Variants in ZNF385B observed in about 807,000 individuals in gnomAD.
ZNF385B encodes zinc finger protein 533.
Under a neutral mutation model 39.2 loss-of-function variants are expected in ZNF385B, and 23 were observed. The ratio of observed to expected loss-of-function variants is 0.59; its 90% CI spans 0.42 to 0.83. The LOEUF (loss-of-function observed/expected upper bound fraction) is 0.83, where lower values mean the gene tolerates loss of function less well. Among genes scored for constraint, ZNF385B ranks in the 40% least tolerant of loss-of-function variants. The pLI, the probability that ZNF385B is intolerant of heterozygous loss-of-function variation, is 0.00. For missense variants in ZNF385B, 552 were observed against 598.9 expected (o/e 0.92, Z 0.82); for synonymous variants, 205 against 222.6 (o/e 0.92, Z 0.70).
intron 3 of ZNF385B, among the ~76,000 whole-genome samples, chr2:179,656,315 A>G (rs1490141148): frequency 6.6e-6 from 1 of 152,126 alleles, no homozygotes; most frequent in African/African-American, 2.4e-5. Context: ...TCCATCAGGT[A>G]GGCATTTTGA....
At chr2:179,632,103 G>A (rs1236998994) in intron 3 of ZNF385B, among the ~76,000 whole-genome samples, 2 of 152,064 alleles carry the variant, frequency 1.3e-5, no homozygotes, top group African/African-American at 4.8e-5. Flanking sequence ...ATAATAATGA[G>A]AGACTTTAAC....
At chr2:179,775,090 G>T (rs7592797) in intron 1 of ZNF385B, among the ~76,000 whole-genome samples, 16,730 of 152,156 alleles carry the variant, frequency 0.11, 1,561 homozygotes, top group East Asian at 0.48. Context: ...GCAAAAAGTT[G>T]AGTTCTGAGT....
chr2:179,444,768 A>G, intron 9 of ZNF385B, 108 bp downstream of exon 9: 1 of 945,276 alleles, frequency 1.1e-6, no homozygotes, highest in Middle Eastern at 2.6e-4. Flanking sequence ...GGCTATTTAA[A>G]TTTGAAACCT....
In ZNF385B at chr2:179,651,699, T is replaced by C. The variant is rs528772192; in HGVS notation, c.299-106730A>G. Among the ~76,000 whole-genome samples, 96 of 152,160 alleles carry C rather than the reference T, an allele frequency of 6.3e-4. 1 individual carries two copies. The South Asian group carries it at 0.02, about 31-fold the overall frequency. ...ACTGATTTTTATGAGAACCTCCAAA[T>C]ATGGATCTGTAAGTGGATGAGGAGA... On this transcript the variant is annotated intron_variant, in intron 3 of 9. Coordinates refer to ENST00000410066, the MANE Select transcript of ZNF385B (RefSeq NM_152520.6).
intron 3 of ZNF385B, among the ~76,000 whole-genome samples, chr2:179,555,117 T>G (rs1420307934): frequency 6.7e-6 from 1 of 149,822 alleles, no homozygotes; most frequent in Non-Finnish European, 1.5e-5. Flanking sequence ...TTTGTATGTT[T>G]GCATGATGAA....
At chr2:179,505,077 C>T (rs1041755081) in intron 5 of ZNF385B, among the ~76,000 whole-genome samples, 6 of 152,150 alleles carry the variant, frequency 3.9e-5, no homozygotes, top group African/African-American at 1.2e-4. Context: ...TCAGCAGTTT[C>T]CAGAATCTGG....
chr2:179,858,133 G>GA lies in ZNF385B; in HGVS notation c.-155+2967dup, dbSNP rs530727432. Among the ~76,000 whole-genome samples, 22 of 152,140 alleles carry GA rather than the reference G, an allele frequency of 1.4e-4. No homozygotes were observed. In the South Asian group the frequency reaches 4.6e-3, roughly 32 times the overall value. ...GCCTCTAGAAACAGATAAGAAGACT[G>GA]AAAAAAATAGCCACCATGGGAATAG... On this transcript the variant is annotated intron_variant, in intron 1 of 9. Transcript: ENST00000410066.
chr2:179,803,241 T>C (rs1706141167), intron 1 of ZNF385B, among the ~76,000 whole-genome samples: 1 of 152,110 alleles, frequency 6.6e-6, no homozygotes, highest in Non-Finnish European at 1.5e-5. Flanking sequence ...TTAATCTTTG[T>C]GACACAGGGC....
intron 4 of ZNF385B, among the ~76,000 whole-genome samples, chr2:179,525,959 C>A (rs1042868645): frequency 2.0e-5 from 3 of 149,458 alleles, no homozygotes; most frequent in Non-Finnish European, 3.0e-5. Context: ...ACAGCAACAA[C>A]AAAGATAATT....
At chr2:179,569,608 C>T (rs533303205) in intron 3 of ZNF385B, among the ~76,000 whole-genome samples, 1 of 152,274 alleles carries the variant, frequency 6.6e-6, no homozygotes, top group East Asian at 1.9e-4. Context: ...TGAGCATATT[C>T]CCAAATCACC....
At chr2:179,449,740 G>A (rs1481000132) in intron 6 of ZNF385B, among the ~76,000 whole-genome samples, 3 of 152,048 alleles carry the variant, frequency 2.0e-5, no homozygotes, top group Non-Finnish European at 4.4e-5. Flanking sequence ...TCACAGAATT[G>A]GAAAATACTA....
In ZNF385B at chr2:179,493,572, CAT is replaced by C. The variant is rs561339718; in HGVS notation, c.553-10140_553-10139del. Among the ~76,000 whole-genome samples the C allele has an allele frequency of 1.8e-4, 22 of 123,964 alleles. No homozygotes were observed. In the South Asian group the frequency reaches 4.7e-3, roughly 27 times the overall value. 81.3% of individuals were successfully genotyped at this position (123,964 alleles called of 152,430 possible). A position where few individuals can be genotyped will look rare whatever the true frequency, so the allele number is the denominator to read the frequency against. ...GTGTACATGCACATATATGCGTATA[CAT>C]ATGTGTATGTGTACATATATGCGTA... is the stretch of plus-strand genomic sequence containing the variant. On this transcript the variant is annotated intron_variant, in intron 5 of 9. Coordinates refer to ENST00000410066, the MANE Select transcript of ZNF385B (RefSeq NM_152520.6).
At chr2:179,504,244 T>G (rs1486893783) in intron 5 of ZNF385B, among the ~76,000 whole-genome samples, 1 of 152,088 alleles carries the variant, frequency 6.6e-6, no homozygotes, top group Non-Finnish European at 1.5e-5. Flanking sequence ...CCATGGTGTA[T>G]ATGTGCCACA....
intron 3 of ZNF385B, among the ~76,000 whole-genome samples, chr2:179,642,079 G>A (rs1434393455): frequency 1.3e-5 from 2 of 152,026 alleles, no homozygotes; most frequent in African/African-American, 4.8e-5. Flanking sequence ...ATGAAATTGA[G>A]TTTTCAGAGA....
intron 3 of ZNF385B, among the ~76,000 whole-genome samples, chr2:179,545,602 T>G (rs1260178931): frequency 6.6e-6 from 1 of 152,204 alleles, no homozygotes; most frequent in Non-Finnish European, 1.5e-5. Flanking sequence ...GACAGGGTGT[T>G]GGGGGACAGG....
intron 6 of ZNF385B, among the ~76,000 whole-genome samples, chr2:179,473,963 T>G (rs989929471): frequency 1.3e-5 from 2 of 152,276 alleles, no homozygotes; most frequent in African/African-American, 4.8e-5. Flanking sequence ...CAAGGTTATA[T>G]GAGTTCAGTG....
intron 3 of ZNF385B, among the ~76,000 whole-genome samples, chr2:179,703,457 T>A (rs1459068114): frequency 6.6e-6 from 1 of 152,238 alleles, no homozygotes; most frequent in Admixed American, 6.5e-5. Context: ...ATAGTATATA[T>A]GTCATTTATT....
intron 3 of ZNF385B, among the ~76,000 whole-genome samples, chr2:179,623,070 AGTT>A (rs755490829): frequency 1.1e-4 from 17 of 152,334 alleles, no homozygotes; most frequent in Admixed American, 2.0e-4. Context: ...GGCGCTAAGA[AGTT>A]GTGATGCACT....
rs1703014162 is a variant in ZNF385B, at chr2:179,756,326, G to A, written c.298+13177C>T. On this transcript the variant is annotated intron_variant, in intron 3 of 9. Coordinates refer to ENST00000410066, the MANE Select transcript of ZNF385B (RefSeq NM_152520.6). ...ATTGGCACCCACTCTCTTCTGGCTT[G>A]TAGAGTTTCTGCCAAGAGATCCGCT... Among the ~76,000 whole-genome samples the A allele has an allele frequency of 2.6e-5, 4 of 152,196 alleles. No homozygotes were observed. In the South Asian group the frequency reaches 8.3e-4, roughly 32 times the overall value.
Sources: allele counts gnomAD v4.1 joint callset (sites outside exome capture counted in the v4.1 genomes callset), GRCh38; gene constraint gnomAD v4.1.1; transcripts MANE v1.5; gene names NCBI Gene and HGNC (gene_info 2026-07-23, HGNC 2026-07-21).